Variants in MAPRE2 observed in about 807,000 individuals in gnomAD.
The protein encoded by MAPRE2 is microtubule associated protein RP/EB family member 2, also known as microtubule-associated protein RP/EB family member 2.
In MAPRE2, 13 loss-of-function variants were observed where a neutral mutation model predicts 43.2. That is an observed-to-expected ratio of 0.30 (90% CI 0.20 to 0.48). The LOEUF is 0.48. Among genes scored for constraint, MAPRE2 ranks in the 20% least tolerant of loss-of-function variants. MAPRE2 has a pLI of 0.99. For missense variants in MAPRE2, 161 were observed against 400.2 expected, an observed-to-expected ratio of 0.40 and a Z score of 5.10; for synonymous variants, 135 against 148.8, an observed-to-expected ratio of 0.91 and a Z score of 0.68.
rs1383032971 is a variant in MAPRE2, at chr18:35,088,053, T to G, written c.251-9393T>G. 2.0e-5 allele frequency among the ~76,000 whole-genome samples: 3 copies of G among 152,224 alleles called. No individual in the cohort carries two copies. The East Asian group carries it at 5.8e-4, about 29-fold the overall frequency. ...GAGGGCTGAACCCTCATGGACTGCT[T>G]ACCTCTTAGTGGTCCTACCTCTTAA... On this transcript the variant is annotated intron_variant, in intron 2 of 6. Transcript: ENST00000300249.
intron 4 of MAPRE2, among the ~76,000 whole-genome samples, chr18:35,119,006 T>C (rs1485429779): frequency 1.3e-5 from 2 of 152,194 alleles, no homozygotes; most frequent in Non-Finnish European, 2.9e-5. Flanking sequence ...GCATGTTCCC[T>C]GCAGGGAACC....
chr18:35,129,728 A>G (rs1910063611), intron 5 of MAPRE2, among the ~76,000 whole-genome samples: 1 of 152,220 alleles, frequency 6.6e-6, no homozygotes, highest in African/African-American at 2.4e-5. Context: ...TCACTGAAAC[A>G]GCAAGGCCTG....
At chr18:35,015,900 C>A (rs28499407) in intron 2 of MAPRE2, among the ~76,000 whole-genome samples, 11,597 of 151,874 alleles carry the variant, frequency 0.076, 1,012 homozygotes, top group African/African-American at 0.22. Flanking sequence ...TATAACTGAT[C>A]CTGCCACTTG....
chr18:35,024,005 A>G, intron 2 of MAPRE2, among the ~76,000 whole-genome samples: 1 of 152,238 alleles, frequency 6.6e-6, no homozygotes, highest in South Asian at 2.1e-4. Context: ...TGTCAAATAT[A>G]CTACCATAAA....
intron 2 of MAPRE2, among the ~76,000 whole-genome samples, chr18:35,007,146 G>A (rs1034397050): frequency 3.3e-5 from 5 of 152,130 alleles, no homozygotes; most frequent in Admixed American, 6.5e-5. Context: ...CTATAGCTGC[G>A]GATCATAAGT....
intron 4 of MAPRE2, among the ~76,000 whole-genome samples, chr18:35,107,206 C>A (rs1244416926): frequency 6.6e-6 from 1 of 152,050 alleles, no homozygotes; most frequent in East Asian, 1.9e-4. Context: ...AATAGGAATG[C>A]CACAAAAGTG....
At chr18:35,070,655 C>T (rs1907071264) in intron 2 of MAPRE2, 1 of 172,614 alleles carries the variant, frequency 5.8e-6, no homozygotes, top group African/African-American at 2.4e-5. Context: ...GTTCTTACAA[C>T]ACTCCTCCTT....
chr18:35,111,382 T>G (rs547793409), intron 4 of MAPRE2, among the ~76,000 whole-genome samples: 1 of 152,230 alleles, frequency 6.6e-6, no homozygotes, highest in Non-Finnish European at 1.5e-5. Flanking sequence ...AGTTTTTGTC[T>G]GCTAATTCCA....
At chr18:35,035,110 C>G (rs1300170764) in intron 2 of MAPRE2, among the ~76,000 whole-genome samples, 2 of 151,946 alleles carry the variant, frequency 1.3e-5, no homozygotes, top group Non-Finnish European at 2.9e-5. Flanking sequence ...TTGGAACCAA[C>G]CCAAATGTCC....
At chr18:35,037,780 CA>C (rs2097051448), upstream of MAPRE2, among the ~76,000 whole-genome samples, 1 of 151,994 alleles carries the variant, frequency 6.6e-6, no homozygotes, top group African/African-American at 2.4e-5. Context: ...CATTTTAGAC[CA>C]TCTTTGGATG....
At chr18:35,077,079 T>G (rs1163657103) in intron 2 of MAPRE2, among the ~76,000 whole-genome samples, 4 of 152,180 alleles carry the variant, frequency 2.6e-5, no homozygotes, top group Admixed American at 1.3e-4. Flanking sequence ...ACTAACAATA[T>G]ATATACTGAA....
intron 1 of MAPRE2, among the ~76,000 whole-genome samples, chr18:34,985,372 ATATAT>A (rs1462156720): frequency 2.0e-4 from 8 of 40,146 alleles, no homozygotes; most frequent in Non-Finnish European, 2.8e-4. Flanking sequence ...ATAATATATA[ATATAT>A]TATTTTATAT....
chr18:35,111,342 A>G (rs1909165340), intron 4 of MAPRE2, among the ~76,000 whole-genome samples: 1 of 151,946 alleles, frequency 6.6e-6, no homozygotes, highest in Non-Finnish European at 1.5e-5. Flanking sequence ...CCTTTACTTC[A>G]CTAAACACGC....
At chr18:35,067,731 G>C (rs1161018249) in intron 1 of MAPRE2, among the ~76,000 whole-genome samples, 1 of 152,086 alleles carries the variant, frequency 6.6e-6, no homozygotes, top group Non-Finnish European at 1.5e-5. Context: ...AAGCCCATCA[G>C]CTGCCAAAAG....
intron 2 of MAPRE2, among the ~76,000 whole-genome samples, chr18:35,021,038 G>A (rs1603390847): frequency 6.6e-6 from 1 of 152,124 alleles, no homozygotes; most frequent in East Asian, 1.9e-4. Flanking sequence ...TGTGTAAAAT[G>A]GTAGATGAAA....
intron 2 of MAPRE2, among the ~76,000 whole-genome samples, chr18:35,094,207 C>T (rs1908298083): frequency 6.6e-6 from 1 of 152,104 alleles, no homozygotes. Context: ...ATTAAAAGAT[C>T]ACACTTGTAC....
intron 1 of MAPRE2, among the ~76,000 whole-genome samples, chr18:35,055,061 T>C (rs1466399717): frequency 6.6e-6 from 1 of 152,174 alleles, no homozygotes; most frequent in Non-Finnish European, 1.5e-5. Flanking sequence ...ATGAAAAAAG[T>C]TCACAAATGT....
At chr18:35,033,356 G>A (rs371223175) in intron 2 of MAPRE2, among the ~76,000 whole-genome samples, 14 of 151,336 alleles carry the variant, frequency 9.3e-5, no homozygotes, top group East Asian at 1.9e-4. Context: ...TTGATGGGAC[G>A]TATCTCAAAA....
chr18:35,108,093 A>G (rs1417995179), intron 4 of MAPRE2, among the ~76,000 whole-genome samples: 1 of 151,626 alleles, frequency 6.6e-6, no homozygotes. Context: ...TGCTGCACCT[A>G]TTGACCAGTC....
Sources: gnomAD v4.1 joint callset for allele counts (sites outside exome capture counted in the v4.1 genomes callset) on GRCh38, gnomAD v4.1.1 for gene constraint, MANE v1.5 for transcripts, NCBI Gene and HGNC (gene_info 2026-07-23, HGNC 2026-07-21) for gene names.